Variants in SMG6 observed in about 807,000 individuals in gnomAD.
The protein encoded by SMG6 is telomerase-binding protein EST1A.
In SMG6, 66 loss-of-function variants were observed where a neutral mutation model predicts 142.2. The ratio of observed to expected loss-of-function variants is 0.46; its 90% CI spans 0.38 to 0.57. The LOEUF is 0.57. SMG6 is among the 20% of genes least tolerant of loss of function. The pLI is 0.00. For missense variants in SMG6, 1,793 were observed against 1,832.0 expected, an observed-to-expected ratio of 0.98 and a Z score of 0.39; for synonymous variants, 779 against 702.4, an observed-to-expected ratio of 1.11 and a Z score of -1.72.
At chr17:2,293,224 G>GCTCT (rs1182715617) in intron 4 of SMG6, among the ~76,000 whole-genome samples, 1 of 152,112 alleles carries the variant, frequency 6.6e-6, no homozygotes, top group African/African-American at 2.4e-5. Flanking sequence ...GAAAGAGAGA[G>GCTCT]GGTGATTCTT....
chr17:2,196,589 G>GC (rs1567675297), intron 10 of SMG6, among the ~76,000 whole-genome samples: 1 of 152,178 alleles, frequency 6.6e-6, no homozygotes, highest in Non-Finnish European at 1.5e-5. Context: ...TAGGTTTAAC[G>GC]CAACAGCTAT....
rs78928607 is a variant in SMG6 at position 2,302,999 on chromosome 17, T to C, written c.88+634A>G. The stretch of plus-strand genomic sequence containing the variant: ...CCTAACGCAGGAGAGGTGAGACACT[T>C]AGAATCTTTCTTACTTTCCTGACGT... On this transcript the variant is annotated intron_variant, in intron 1 of 18. Coordinates refer to ENST00000263073, the MANE Select transcript of SMG6 (RefSeq NM_017575.5). 1.9e-4 allele frequency: 185 copies of C among 985,464 alleles called. No individual in the cohort carries two copies. The African/African-American group carries it at 3.1e-3, about 16-fold the overall frequency. 61.0% of individuals were successfully genotyped at this position (985,464 alleles called of 1,614,324 possible). A position where few individuals can be genotyped will look rare whatever the true frequency, so the allele number is the denominator to read the frequency against.
At chr17:2,113,644 C>T (rs1188562556) in intron 13 of SMG6, among the ~76,000 whole-genome samples, 1 of 152,208 alleles carries the variant, frequency 6.6e-6, no homozygotes, top group Admixed American at 6.5e-5. Flanking sequence ...TCATCTAAAA[C>T]CCATGGCCTC....
intron 13 of SMG6, among the ~76,000 whole-genome samples, chr17:2,171,789 C>T (rs1429394958): frequency 6.8e-6 from 1 of 148,046 alleles, no homozygotes; most frequent in African/African-American, 2.5e-5. Flanking sequence ...TCATGTAGGT[C>T]AAAAGACTTC....
At chr17:2,109,732 C>T (rs540470914) in intron 13 of SMG6, among the ~76,000 whole-genome samples, 3 of 152,010 alleles carry the variant, frequency 2.0e-5, no homozygotes, top group Non-Finnish European at 2.9e-5. Context: ...ACTGACAAAA[C>T]AGAGACAAAA....
intron 5 of SMG6, 106 bp downstream of exon 5, chr17:2,292,765 G>C: frequency 7.4e-7 from 1 of 1,357,910 alleles, no homozygotes; most frequent in South Asian, 1.2e-5. Context: ...TGACTACAGG[G>C]ACCAATAGGG....
chr17:2,296,847 T>C (rs910704430), intron 4 of SMG6, among the ~76,000 whole-genome samples: 2 of 151,816 alleles, frequency 1.3e-5, no homozygotes, highest in Admixed American at 6.6e-5. Flanking sequence ...ATAGAAAAAT[T>C]AGCCAGGCTT....
At chr17:2,141,025 CAGG>C (rs1003814840) in intron 13 of SMG6, among the ~76,000 whole-genome samples, 10 of 152,292 alleles carry the variant, frequency 6.6e-5, no homozygotes, top group Admixed American at 5.2e-4. Flanking sequence ...GAAATCTGGC[CAGG>C]AGAATGATCT....
At chr17:2,267,923 A>G (rs1174998492) in intron 8 of SMG6, among the ~76,000 whole-genome samples, 4 of 151,584 alleles carry the variant, frequency 2.6e-5, no homozygotes, top group African/African-American at 9.7e-5. Flanking sequence ...AATTTTTTGT[A>G]TTTTTAGTAG....
At chr17:2,253,349 T>C (rs990453414) in intron 8 of SMG6, among the ~76,000 whole-genome samples, 3 of 152,118 alleles carry the variant, frequency 2.0e-5, no homozygotes, top group African/African-American at 7.2e-5. Flanking sequence ...TTCACCGTGT[T>C]GACCAGGATG....
chr17:2,220,133 G>A (rs1056066470), intron 10 of SMG6, among the ~76,000 whole-genome samples: 3 of 152,086 alleles, frequency 2.0e-5, no homozygotes, highest in African/African-American at 4.8e-5. Context: ...ATGTTACCCA[G>A]GCTGGTCTCA....
intron 6 of SMG6, among the ~76,000 whole-genome samples, chr17:2,286,923 ATTTTTTTTTTTT>A (rs59503723): frequency 1.8e-5 from 2 of 111,442 alleles, no homozygotes; most frequent in African/African-American, 3.6e-5. Flanking sequence ...ACATAAAATA[ATTTTTTTTTTTT>A]TTTTTTTTTT....
chr17:2,147,381 A>C (rs2070701218), intron 13 of SMG6, among the ~76,000 whole-genome samples: 2 of 152,040 alleles, frequency 1.3e-5, no homozygotes, highest in Non-Finnish European at 2.9e-5. Context: ...TGACAGAGCA[A>C]GACTACATCT....
At chr17:2,283,836 T>C (rs2074845634) in intron 6 of SMG6, 101 bp from the exon 7 acceptor site, 2 of 826,336 alleles carry the variant, frequency 2.4e-6, no homozygotes, top group African/African-American at 1.7e-5. Context: ...CCAGCCTGTC[T>C]CCCAAACTGA....
chr17:2,088,889 A>C, intron 13 of SMG6: 2 of 962,190 alleles, frequency 2.1e-6, no homozygotes, highest in Non-Finnish European at 2.5e-6. Context: ...TTGATGCTGG[A>C]GTTCTGTAGG....
intron 8 of SMG6, among the ~76,000 whole-genome samples, chr17:2,274,261 C>T (rs986434373): frequency 1.3e-5 from 2 of 152,154 alleles, no homozygotes; most frequent in African/African-American, 2.4e-5. Flanking sequence ...ACTACACAAT[C>T]AGAGAAAGTA....
chr17:2,094,132 TAC>T (rs1484842100), intron 13 of SMG6, among the ~76,000 whole-genome samples: 2 of 152,188 alleles, frequency 1.3e-5, no homozygotes, highest in Admixed American at 6.5e-5. Flanking sequence ...GTATCAGAAA[TAC>T]AGTCACAATT....
rs375142399 is a variant in SMG6, at chr17:2,300,321, C to A, written c.432G>T (p.Gln144His). 1 of 1,613,910 alleles carries A rather than the reference C, an allele frequency of 6.2e-7. No homozygotes were observed. The highest frequency in any genetic ancestry group is 1.3e-5 in the African/African-American group (1 of 74,918). The part of the protein sequence containing the change: ...IIKRTKKPDL[Q>H]IYQPGRRLQT... ...GCAAACGTCGTCCAGGCTGATAGAT[C>A]TGCAGGTCGGGTTTCTTTGTTCTTT... The change falls in exon 2 of 19, where the codon CAG becomes CAT. Residue 144 changes from glutamine (Q) to histidine (H), a missense_variant. By Grantham distance (24) the Gln-to-His change is conservative. Transcript: ENST00000263073.
rs1374417891 is a variant in SMG6, at chr17:2,172,692, T to C, written c.3323A>G (p.Gln1108Arg). 6.2e-7 allele frequency: 1 copy of C among 1,613,788 alleles called. No individual in the cohort carries two copies. Among genetic ancestry groups the C allele is most frequent in the African/African-American group, 1.3e-5 (1 of 74,888 alleles). The change falls in exon 13 of 19, where the codon CAG (glutamine) becomes CGG (arginine). Residue 1108 changes from glutamine (Q) to arginine (R), a missense_variant. Around this residue, in one of 3 missense-constraint regions of SMG6, gnomAD observed 1,597 missense variants for 1,584.6 expected, o/e 1.01. Coordinates refer to ENST00000263073, the MANE Select transcript of SMG6 (RefSeq NM_017575.5). ...GGTTTTCTCCACGTAGCAGGGGTCCTGAGGGGCAGCCAGCAAGGGGACAAA... is the reference window on the plus strand; with the variant it reads ...GGTTTTCTCCACGTAGCAGGGGTCCCGAGGGGCAGCCAGCAAGGGGACAAA... ...SGFVPLLAAP[Q>R]DPCYVEKTSD...
Sources: gnomAD v4.1 joint callset for allele counts (sites outside exome capture counted in the v4.1 genomes callset) on GRCh38, gnomAD v4.1.1 for gene constraint, gnomAD v4.1.1 regional missense constraint, MANE v1.5 for transcripts, NCBI Gene and HGNC (gene_info 2026-07-23, HGNC 2026-07-21) for gene names.